Variants in GALC observed in about 807,000 individuals in gnomAD.
GALC encodes the protein galactosylceramidase, also known as galactocerebrosidase.
GALC carries 77 observed loss-of-function variants against 91.8 expected under a neutral mutation model. The observed-to-expected ratio is 0.84, with a 90% confidence interval of 0.70 to 1.01. GALC has a LOEUF of 1.01. Ranked by LOEUF, GALC falls within the 50% of genes least tolerant of loss-of-function variation. The pLI, the probability that GALC is intolerant of heterozygous loss-of-function variation, is 0.00. For missense variants in GALC, 882 were observed against 855.9 expected (o/e 1.03, Z -0.38); for synonymous variants, 357 against 306.7 (o/e 1.16, Z -1.71).
At chr14:87,992,221 C>T in intron 1 of GALC, 2 of 1,455,164 alleles carry the variant, frequency 1.4e-6, no homozygotes, top group Non-Finnish European at 9.3e-7. Context: ...CCCAAAAATC[C>T]GAGTTCAACC....
At chr14:87,954,319 C>T (rs1056281024) in intron 10 of GALC, 4 of 1,592,214 alleles carry the variant, frequency 2.5e-6, no homozygotes, top group African/African-American at 1.3e-5. Context: ...CTGACAGAGG[C>T]AGTATACAGT....
chr14:87,936,475 C>T lies in GALC; in HGVS notation c.1912-1597G>A, dbSNP rs533939161. 2.0e-5 allele frequency among the ~76,000 whole-genome samples: 3 copies of T among 151,594 alleles called. No homozygotes were observed. In the East Asian group the frequency reaches 5.9e-4, roughly 30 times the overall value. On this transcript the variant is annotated intron_variant, in intron 16 of 16. Coordinates refer to ENST00000261304, the MANE Select transcript of GALC (RefSeq NM_000153.4). Reference sequence around the variant, plus strand: ...TGGCTTTTTTACTCATTACAATAGCCGAACTGGGTAGCCACAGCAGAGACC... The same window carrying T: ...TGGCTTTTTTACTCATTACAATAGCTGAACTGGGTAGCCACAGCAGAGACC...
At chr14:87,953,703 G>A in intron 10 of GALC, 1 of 1,608,180 alleles carries the variant, frequency 6.2e-7, no homozygotes, top group African/African-American at 1.3e-5. Context: ...AAATGAAGTT[G>A]ATTTCTAATG....
chr14:87,965,169 C>G (rs1462745416), intron 9 of GALC, among the ~76,000 whole-genome samples: 1 of 152,084 alleles, frequency 6.6e-6, no homozygotes, highest in Non-Finnish European at 1.5e-5. Context: ...GACTTCTACT[C>G]TGTTTATAAA....
chr14:87,963,318 G>T, intron 10 of GALC, 66 bp downstream of exon 10: 1 of 1,502,400 alleles, frequency 6.7e-7, no homozygotes. Flanking sequence ...AAAGTATTCA[G>T]TTTTATATTT....
At chr14:87,946,002 T>C (rs1382510288) in intron 13 of GALC, among the ~76,000 whole-genome samples, 1 of 151,970 alleles carries the variant, frequency 6.6e-6, no homozygotes, top group Non-Finnish European at 1.5e-5. Context: ...AGTTTTGAAG[T>C]AAGACCTAGA....
chr14:87,975,565 T>C (rs1052598668), intron 7 of GALC, among the ~76,000 whole-genome samples: 1 of 151,590 alleles, frequency 6.6e-6, no homozygotes, highest in African/African-American at 2.4e-5. Flanking sequence ...GGAAGAGGAG[T>C]AGATAGACGC....
At chr14:87,954,227 C>G in intron 10 of GALC, 1 of 1,541,682 alleles carries the variant, frequency 6.5e-7, no homozygotes, top group Non-Finnish European at 9.0e-7. Context: ...AGAGGGTGAA[C>G]AGTATAGACT....
chr14:87,993,228 G>C, upstream of GALC: 1 of 1,547,204 alleles, frequency 6.5e-7, no homozygotes, highest in Non-Finnish European at 8.7e-7. Context: ...GATAGATACG[G>C]GCAGGAGGCC....
chr14:87,936,277 A>AT (rs916257236), intron 16 of GALC, among the ~76,000 whole-genome samples: 1 of 151,850 alleles, frequency 6.6e-6, no homozygotes, highest in African/African-American at 2.4e-5. Flanking sequence ...TCATGACTCT[A>AT]TTTTTTCTTC....
intron 10 of GALC, among the ~76,000 whole-genome samples, chr14:87,956,593 TACACAC>T (rs56760246): frequency 0.13 from 17,517 of 139,090 alleles, 1,204 homozygotes; most frequent in Non-Finnish European, 0.16. Flanking sequence ...ACCATATATA[TACACAC>T]ACACACACAC....
intron 1 of GALC, among the ~76,000 whole-genome samples, chr14:87,991,984 G>A (rs965083833): frequency 6.6e-6 from 1 of 152,124 alleles, no homozygotes; most frequent in African/African-American, 2.4e-5. Flanking sequence ...TTAACTCATC[G>A]GCCCACAGGT....
intron 6 of GALC, among the ~76,000 whole-genome samples, chr14:87,977,864 G>A (rs992637946): frequency 2.0e-5 from 3 of 152,122 alleles, no homozygotes; most frequent in Admixed American, 6.5e-5. Context: ...TTAGAAAACG[G>A]GGTGAAAATT....
At chr14:87,977,527 A>G (rs1165924479) in intron 6 of GALC, among the ~76,000 whole-genome samples, 1 of 152,218 alleles carries the variant, frequency 6.6e-6, no homozygotes, top group Non-Finnish European at 1.5e-5. Context: ...AGCAGAGAAA[A>G]GGAGACATCA....
At position 87,966,443 on chromosome 14, in the gene GALC, T is replaced by TA. The variant is rs3216701; in HGVS notation, c.909-815dup. Among the ~76,000 whole-genome samples, 1,554 of 151,720 alleles carry TA rather than the reference T, an allele frequency of 0.01. 55 individuals carry two copies. The East Asian group carries it at 0.12, about 12-fold the overall frequency. On this transcript the variant is annotated intron_variant, in intron 8 of 16. Transcript: ENST00000261304. ...TGGTATTGTTGGGTCCCTCACAGAT[T>TA]AAAAAAAACAAAGCTTACCCACAGA...
intron 10 of GALC, among the ~76,000 whole-genome samples, chr14:87,951,478 C>T (rs1885306199): frequency 6.6e-6 from 1 of 151,818 alleles, no homozygotes; most frequent in Non-Finnish European, 1.5e-5. Context: ...GAGATTTGAA[C>T]AACACTACCA....
At chr14:87,952,718 T>C in intron 10 of GALC, 1 of 1,523,292 alleles carries the variant, frequency 6.6e-7, no homozygotes, top group South Asian at 1.1e-5. Flanking sequence ...TGGTCATTTC[T>C]TACTTAGCAA....
chr14:87,945,407 C>A, intron 14 of GALC, 146 bp downstream of exon 14: 1 of 694,390 alleles, frequency 1.4e-6, no homozygotes, highest in South Asian at 1.7e-5. Flanking sequence ...CATCACCATA[C>A]TATTCAACAA....
intron 1 of GALC, chr14:87,992,450 A>T: frequency 6.5e-7 from 1 of 1,534,810 alleles, no homozygotes; most frequent in African/African-American, 1.4e-5. Context: ...TCTCTGGAGG[A>T]GCCCATTCTT....
Sources: allele counts gnomAD v4.1 joint callset (sites outside exome capture counted in the v4.1 genomes callset), GRCh38; gene constraint gnomAD v4.1.1; transcripts MANE v1.5; gene names NCBI Gene and HGNC (gene_info 2026-07-23, HGNC 2026-07-21).